ATP8B3: variants seen among roughly 807,000 people sequenced by gnomAD.
ATP8B3 encodes phospholipid-transporting ATPase IK.
A neutral mutation model predicts 140.9 loss-of-function variants in ATP8B3; 141 were observed. That is an observed-to-expected ratio of 1.00 (90% CI 0.87 to 1.15). The LOEUF is 1.15. Among genes scored for constraint, ATP8B3 ranks in the 50% most tolerant of loss-of-function variants. The pLI is 0.00. For synonymous variants in ATP8B3, 765 were observed against 714.6 expected (o/e 1.07, Z -1.13); for missense variants, 1,874 against 1,740.6 (o/e 1.08, Z -1.36).
Position 1,806,462 on chromosome 19 carries a change from T to G in ATP8B3, c.677+166A>C. On this transcript the variant is annotated intron_variant, in intron 7 of 28. Transcript: ENST00000310127. This position sits in a 1 kb window ranked among gnomAD's most constrained non-coding sequence, Gnocchi z 5.6. The stretch of plus-strand genomic sequence containing the variant: ...GCCATCAGGGCCTCGGCCTCTGTCC[T>G]CGTCCCGGCCAAACGCCTAATGAAT... 2 of 1,463,144 alleles carry G rather than the reference T, an allele frequency of 1.4e-6. No individual in the cohort carries two copies. The highest frequency in any genetic ancestry group is 9.0e-7 in the Non-Finnish European group (1 of 1,112,250). The allele number at this position is 1,463,144 out of a possible 1,614,324, so 90.6% of individuals were successfully genotyped here.
At chr19:1,799,486 C>T in intron 14 of ATP8B3, 1 of 258,728 alleles carries the variant, frequency 3.9e-6, no homozygotes, top group East Asian at 7.2e-5. Flanking sequence ...AAAAAGTCGG[C>T]CGGGCGTGGT....
In ATP8B3 at chr19:1,796,207, C is replaced by G. The variant is rs1478963908; in HGVS notation, c.1812G>C (p.Arg604=). The change falls in exon 17 of 29, where the codon CGG becomes CGC. Residue 604 remains arginine, a synonymous_variant. Coordinates refer to ENST00000310127, the MANE Select transcript of ATP8B3 (RefSeq NM_138813.4). ...PDEGALVTAA[R]NFGYVFLSRT... ...GGGACAGGAACACGTAGCCGAAGTTCCGGGCTGCGGTGACCAGCGCCCCCT... is the reference window on the plus strand; with the variant it reads ...GGGACAGGAACACGTAGCCGAAGTTGCGGGCTGCGGTGACCAGCGCCCCCT... 6.2e-7 allele frequency: 1 copy of G among 1,612,790 alleles called. No homozygotes were observed. Among genetic ancestry groups the G allele is most frequent in the Non-Finnish European group, 8.5e-7 (1 of 1,179,860 alleles).
intron 10 of ATP8B3, among the ~76,000 whole-genome samples, chr19:1,803,176 C>T (rs1208840397): frequency 1.3e-5 from 2 of 152,148 alleles, no homozygotes; most frequent in Admixed American, 1.3e-4. Context: ...CACCAACACC[C>T]TGCAATGGCC....
chr19:1,809,618 G>C, intron 4 of ATP8B3, 25 bp downstream of exon 4: 2 of 1,575,192 alleles, frequency 1.3e-6, no homozygotes, highest in South Asian at 1.2e-5. Context: ...CTCTGGAGCA[G>C]GGAGGCGCGG....
chr19:1,784,525 A>G lies in ATP8B3; in HGVS notation c.3660+294T>C, dbSNP rs529098927. On this transcript the variant is annotated intron_variant, in intron 28 of 28. Coordinates refer to ENST00000310127, the MANE Select transcript of ATP8B3 (RefSeq NM_138813.4). The stretch of plus-strand genomic sequence containing the variant: ...ACAAGACCCTTCTCAAAAAGTAAAA[A>G]TAAATAAATAAATAAAACCTTAAGA... 4.0e-3 allele frequency among the ~76,000 whole-genome samples: 605 copies of G among 152,284 alleles called. 4 individuals are homozygous for G. Among genetic ancestry groups the G allele is most frequent in the Middle Eastern group, 0.01 (3 of 294 alleles).
At chr19:1,808,767 T>C (rs754182766) in intron 4 of ATP8B3, among the ~76,000 whole-genome samples, 1 of 152,188 alleles carries the variant, frequency 6.6e-6, no homozygotes, top group Non-Finnish European at 1.5e-5. Context: ...TACTTTCAGG[T>C]TGGGTATTAA....
In ATP8B3 at chr19:1,792,075, T is replaced by C. The variant is rs1321538400; in HGVS notation, c.2116A>G (p.Ile706Val). 22 of 1,568,390 alleles carry C rather than the reference T, an allele frequency of 1.4e-5. No homozygotes were observed. The highest frequency in any genetic ancestry group is 1.9e-5 in the Non-Finnish European group (22 of 1,159,126). The change falls in exon 19 of 29, where the codon ATT (isoleucine) becomes GTT (valine). Residue 706 changes from isoleucine (I) to valine (V), a missense_variant. By Grantham distance (29) the Ile-to-Val change is conservative. Around this residue, in one of 3 missense-constraint regions of ATP8B3, gnomAD observed 1,032 missense variants for 963.6 expected, o/e 1.07. Transcript: ENST00000310127. ...CLAYREVAED[I>V]YEDWQQRHQE... ...TGGCGCTGCTGCCAGTCCTCGTAAATGTCCTCAGCCACCTCCCTGTAGGCC... is the reference window on the plus strand; with the variant it reads ...TGGCGCTGCTGCCAGTCCTCGTAAACGTCCTCAGCCACCTCCCTGTAGGCC...
At chr19:1,802,695 C>T in intron 10 of ATP8B3, 50 bp from the exon 11 acceptor site, 1 of 1,570,172 alleles carries the variant, frequency 6.4e-7, no homozygotes, top group Non-Finnish European at 8.6e-7. Flanking sequence ...GCCCTCCTCC[C>T]CAGGTTCCCT....
rs376690277 is a variant in ATP8B3, at chr19:1,782,971, C to T, written c.*57G>A. On this transcript the variant is annotated 3_prime_UTR_variant, in exon 29 of 29. Coordinates refer to ENST00000310127, the MANE Select transcript of ATP8B3 (RefSeq NM_138813.4). Reference sequence around the variant, plus strand: ...GGGGGAGCTGTACTTCCTGGGAGGACACCTGCCCCTGTGGCTGGTGCTTCT... The same window carrying T: ...GGGGGAGCTGTACTTCCTGGGAGGATACCTGCCCCTGTGGCTGGTGCTTCT... 7.4e-5 allele frequency: 115 copies of T among 1,552,084 alleles called. 1 individual carries two copies. The East Asian group carries it at 2.3e-3, about 31-fold the overall frequency.
In ATP8B3 at chr19:1,807,521, C is replaced by T. The variant is rs183857762; in HGVS notation, c.517-255G>A. On this transcript the variant is annotated intron_variant, in intron 5 of 28. Transcript: ENST00000310127. The surrounding 1 kb of genome is among the most constrained non-coding windows in gnomAD (Gnocchi z 5.9). The stretch of plus-strand genomic sequence containing the variant: ...TTCTCCCGTCCAAGCCCAGCTCCCA[C>T]GGTGCCTTCTCCAGGGAGCCTCCCC... Among the ~76,000 whole-genome samples the T allele has an allele frequency of 3.7e-4, 57 of 152,262 alleles. No individual in the cohort carries two copies. The highest frequency in any genetic ancestry group is 2.8e-3 in the Admixed American group (43 of 15,296).
In ATP8B3 at chr19:1,800,213, TC is replaced by T; in HGVS notation, c.1343+45del. 1 of 1,598,222 alleles carries T rather than the reference TC, an allele frequency of 6.3e-7. No homozygotes were observed. Among genetic ancestry groups the T allele is most frequent in the Non-Finnish European group, 8.5e-7 (1 of 1,171,668 alleles). On this transcript the variant is annotated intron_variant, in intron 13 of 28. Coordinates refer to ENST00000310127, the MANE Select transcript of ATP8B3 (RefSeq NM_138813.4). This position sits in a 1 kb window ranked among gnomAD's most constrained non-coding sequence, Gnocchi z 4.4. ...GCCTGCTGTGTGCCATCCCCATGCC[TC>T]CCCGTTCCGCGTTTGCACCGGGGAC...
At position 1,782,935 on chromosome 19, in the gene ATP8B3, G is replaced by A; in HGVS notation, c.*93C>T. The A allele has an allele frequency of 6.9e-7, 1 of 1,453,052 alleles. No homozygotes were observed. The highest frequency in any genetic ancestry group is 9.3e-7 in the Non-Finnish European group (1 of 1,077,530). The allele number at this position is 1,453,052 out of a possible 1,614,324, so 90.0% of individuals were successfully genotyped here. A position where few individuals can be genotyped will look rare whatever the true frequency, so the allele number is the denominator to read the frequency against. On this transcript the variant is annotated 3_prime_UTR_variant, in exon 29 of 29. Coordinates refer to ENST00000310127, the MANE Select transcript of ATP8B3 (RefSeq NM_138813.4). ...ATTGTCTATCCATAGAAAATGATGA[G>A]CTAGGTGTAGGGGGGAGCTGTACTT...
rs566811052 is a variant in ATP8B3 at position 1,799,630 on chromosome 19, G to A, written c.1552+317C>T. 1.8e-4 allele frequency: 93 copies of A among 528,522 alleles called. No individual in the cohort carries two copies. The African/African-American group carries it at 1.8e-3, about 10-fold the overall frequency. 32.7% of individuals were successfully genotyped at this position (528,522 alleles called of 1,614,324 possible). On this transcript the variant is annotated intron_variant, in intron 14 of 28. Transcript: ENST00000310127. ...AAAATACAAAAAAATTAGGTGTGGT[G>A]GCAGGTGCCTGTAATCCCAGCTACT...
chr19:1,798,474 C>A (rs934993215), intron 14 of ATP8B3, among the ~76,000 whole-genome samples: 9 of 151,956 alleles, frequency 5.9e-5, no homozygotes, highest in African/African-American at 2.2e-4. Flanking sequence ...CGCGGTGGCT[C>A]ACGCCTGTAA....
At chr19:1,810,741 C>T in intron 2 of ATP8B3, 58 bp from the exon 3 acceptor site, 1 of 1,543,958 alleles carries the variant, frequency 6.5e-7, no homozygotes, top group East Asian at 2.3e-5. Flanking sequence ...CTGGGCACCA[C>T]TCGGTCTTCA....
At position 1,782,218 on chromosome 19, in the gene ATP8B3, C is replaced by A; in HGVS notation, c.*810G>T. On this transcript the variant is annotated 3_prime_UTR_variant, in exon 29 of 29. Transcript: ENST00000310127. ...TCTTCTTCCCAGGAAGGACATCTTC[C>A]TGATATGCCAGCGTGACTCCTTTGG... The A allele has an allele frequency of 3.4e-6, 1 of 293,136 alleles. No individual in the cohort carries two copies. 18.2% of individuals were successfully genotyped at this position (293,136 alleles called of 1,614,324 possible). A position where few individuals can be genotyped will look rare whatever the true frequency, so the allele number is the denominator to read the frequency against.
chr19:1,801,616 G>A (rs2068848056), intron 12 of ATP8B3, among the ~76,000 whole-genome samples: 1 of 152,076 alleles, frequency 6.6e-6, no homozygotes, highest in South Asian at 2.1e-4. Flanking sequence ...GCCAGGCGTG[G>A]CGGCGTGCAC....
intron 10 of ATP8B3, among the ~76,000 whole-genome samples, chr19:1,802,911 C>T (rs1308276233): frequency 3.3e-5 from 5 of 152,186 alleles, no homozygotes; most frequent in Admixed American, 2.6e-4. Context: ...GCTCCTAGCT[C>T]CCTCCCTCGT....
chr19:1,788,900 G>A lies in ATP8B3; in HGVS notation c.3066C>T (p.Gly1022=), dbSNP rs761100841. Residue 1022 remains glycine (G), a synonymous_variant, in exon 24 of 29, where the codon GGC becomes GGT. Transcript: ENST00000310127. Reference sequence around the variant, plus strand: ...GCAGCCAGGGTGGGGGACGCACCTGGCCGGTGAAGCCGTTGTAGCAGGCAA... The same window carrying A: ...GCAGCCAGGGTGGGGGACGCACCTGACCGGTGAAGCCGTTGTAGCAGGCAA... The part of the protein sequence containing the change: ...VWFACYNGFT[G]QPLYEGWFLA... The A allele has an allele frequency of 1.8e-5, 28 of 1,587,530 alleles. No individual in the cohort carries two copies. The South Asian group carries it at 3.1e-4, about 18-fold the overall frequency.
Sources: allele counts gnomAD v4.1 joint callset (sites outside exome capture counted in the v4.1 genomes callset), GRCh38; gene constraint gnomAD v4.1.1; regional missense constraint gnomAD v4.1.1; non-coding constraint Gnocchi (gnomAD v3.1); transcripts MANE v1.5; gene names NCBI Gene and HGNC (gene_info 2026-07-23, HGNC 2026-07-21).